Variants in RORB observed in about 807,000 individuals in gnomAD.
RORB encodes nuclear receptor ROR-beta.
A neutral mutation model predicts 59.1 loss-of-function variants in RORB; 6 were observed. The observed-to-expected ratio is 0.10, with a 90% CI of 0.06 to 0.20. The LOEUF is 0.20. RORB is among the 10% of genes least tolerant of loss of function. RORB has a pLI of 1.00. For missense variants in RORB, 320 were observed against 560.5 expected (o/e 0.57, Z 4.33); for synonymous variants, 215 against 204.5 (o/e 1.05, Z -0.44).
At chr9:74,574,177 G>A (rs980511788) in intron 1 of RORB, among the ~76,000 whole-genome samples, 7 of 152,090 alleles carry the variant, frequency 4.6e-5, no homozygotes, top group Non-Finnish European at 8.8e-5. Context: ...CCCCTGAAAA[G>A]GAGCAGGAAC....
chr9:74,670,325 A>G (rs1021413964), intron 8 of RORB, among the ~76,000 whole-genome samples: 1 of 152,202 alleles, frequency 6.6e-6, no homozygotes, highest in African/African-American at 2.4e-5. Context: ...AGAAAGAGTC[A>G]CTTTTCTCTT....
At chr9:74,588,073 A>G (rs1822829928) in intron 1 of RORB, among the ~76,000 whole-genome samples, 1 of 152,096 alleles carries the variant, frequency 6.6e-6, no homozygotes, top group South Asian at 2.1e-4. Context: ...AGTTTTTTTA[A>G]ACAGTAAGTT....
At chr9:74,505,480 T>G (rs1395264239) in intron 1 of RORB, among the ~76,000 whole-genome samples, 1 of 152,090 alleles carries the variant, frequency 6.6e-6, no homozygotes, top group Non-Finnish European at 1.5e-5. Context: ...AAAGATTTAT[T>G]GAATACATCC....
intron 9 of RORB, among the ~76,000 whole-genome samples, chr9:74,676,912 G>A (rs1824453432): frequency 1.3e-5 from 2 of 152,210 alleles, no homozygotes; most frequent in Non-Finnish European, 2.9e-5. Context: ...GCCATGGAAA[G>A]AGAATATCCT....
intron 1 of RORB, among the ~76,000 whole-genome samples, chr9:74,519,152 G>A (rs1178854571): frequency 6.6e-6 from 1 of 151,996 alleles, no homozygotes; most frequent in African/African-American, 2.4e-5. Flanking sequence ...TCAAAGGCCT[G>A]AAAACTTGAA....
chr9:74,500,252 C>T (rs1040115722), intron 1 of RORB, among the ~76,000 whole-genome samples: 2 of 152,146 alleles, frequency 1.3e-5, no homozygotes, highest in African/African-American at 4.8e-5. Flanking sequence ...TATCGCCATT[C>T]CTGGTTGCCC....
intron 1 of RORB, among the ~76,000 whole-genome samples, chr9:74,608,731 C>T (rs1823188549): frequency 6.6e-6 from 1 of 152,054 alleles, no homozygotes; most frequent in Non-Finnish European, 1.5e-5. Flanking sequence ...AAGATATTTG[C>T]AAACCCAGTC....
At chr9:74,598,141 G>T (rs1823000155) in intron 1 of RORB, among the ~76,000 whole-genome samples, 1 of 152,002 alleles carries the variant, frequency 6.6e-6, no homozygotes, top group Non-Finnish European at 1.5e-5. Context: ...GTGCTGATCT[G>T]CAACTCGAAC....
At chr9:74,501,584 CAA>C (rs1227653227) in intron 1 of RORB, among the ~76,000 whole-genome samples, 1 of 152,132 alleles carries the variant, frequency 6.6e-6, no homozygotes, top group Admixed American at 6.5e-5. Context: ...TGTAATTATT[CAA>C]ACAGTTTAAA....
intron 1 of RORB, among the ~76,000 whole-genome samples, chr9:74,507,270 C>T (rs1484870010): frequency 2.0e-5 from 3 of 151,998 alleles, no homozygotes; most frequent in Non-Finnish European, 2.9e-5. Context: ...TGTAAATATG[C>T]ATCATACTTA....
intron 4 of RORB, among the ~76,000 whole-genome samples, chr9:74,646,257 A>C (rs147963544): frequency 6.6e-6 from 1 of 152,314 alleles, no homozygotes; most frequent in East Asian, 1.9e-4. Context: ...TCATCTTAAA[A>C]GCAGATCGCT....
intron 1 of RORB, among the ~76,000 whole-genome samples, chr9:74,552,124 A>C (rs1456079394): frequency 6.6e-6 from 1 of 152,136 alleles, no homozygotes. Flanking sequence ...AGCTTCGACT[A>C]AAGGGTGGAG....
At chr9:74,673,505 T>C (rs1824383223) in intron 9 of RORB, among the ~76,000 whole-genome samples, 1 of 152,168 alleles carries the variant, frequency 6.6e-6, no homozygotes, top group Non-Finnish European at 1.5e-5. Context: ...CAAATGAGAT[T>C]CTAACACGTT....
intron 1 of RORB, among the ~76,000 whole-genome samples, chr9:74,611,319 G>A (rs1307450777): frequency 6.6e-6 from 1 of 152,154 alleles, no homozygotes; most frequent in African/African-American, 2.4e-5. Flanking sequence ...GCCAGATCAA[G>A]GGGATGAAGG....
chr9:74,586,103 A>G (rs187431045), intron 1 of RORB, among the ~76,000 whole-genome samples: 20 of 152,222 alleles, frequency 1.3e-4, no homozygotes, highest in Non-Finnish European at 4.4e-5. Flanking sequence ...CTCACAGGAC[A>G]TATTTAAAGA....
rs143984467 is a variant in RORB, at chr9:74,519,183, G to A, written c.7+21200G>A. Among the ~76,000 whole-genome samples, 115 of 152,102 alleles carry A rather than the reference G, an allele frequency of 7.6e-4. No homozygotes were observed. The East Asian group carries it at 0.014, about 19-fold the overall frequency. ...TTGAAAGATAGTTCCATCCCCTCTT[G>A]ATAAAGTCGAGATGGAGCCAGAAAG... On this transcript the variant is annotated intron_variant, in intron 1 of 9. Transcript: ENST00000376896.
intron 1 of RORB, among the ~76,000 whole-genome samples, chr9:74,543,638 G>T (rs1009030440): frequency 6.6e-6 from 1 of 152,070 alleles, no homozygotes; most frequent in African/African-American, 2.4e-5. Context: ...GATGGAGGAG[G>T]AACCAAAGGA....
At chr9:74,639,628 C>T (rs760095815) in intron 3 of RORB, among the ~76,000 whole-genome samples, 15 of 151,820 alleles carry the variant, frequency 9.9e-5, no homozygotes, top group Non-Finnish European at 1.5e-4. Context: ...TAAAATAAGT[C>T]GGAAAGTAGA....
At chr9:74,653,415 T>C (rs1435879043) in intron 4 of RORB, among the ~76,000 whole-genome samples, 6 of 152,046 alleles carry the variant, frequency 3.9e-5, no homozygotes, top group Non-Finnish European at 8.8e-5. Flanking sequence ...TTAATCACTT[T>C]GAGGCTGAGA....
Sources: allele counts gnomAD v4.1 joint callset (sites outside exome capture counted in the v4.1 genomes callset), GRCh38; gene constraint gnomAD v4.1.1; transcripts MANE v1.5; gene names NCBI Gene and HGNC (gene_info 2026-07-23, HGNC 2026-07-21).